DMD: variants seen among roughly 807,000 people sequenced by gnomAD.
DMD encodes the protein mutant dystrophin.
DMD carries 63 observed loss-of-function variants against 330.1 expected under a neutral mutation model. The ratio of observed to expected loss-of-function variants is 0.19; its 90% CI spans 0.16 to 0.24. The LOEUF is 0.24. Ranked by LOEUF, DMD falls within the 10% of genes least tolerant of loss-of-function variation. The pLI, the probability that DMD is intolerant of heterozygous loss-of-function variation, is 1.00. For synonymous variants in DMD, 1,223 were observed against 959.8 expected (o/e 1.27, Z -5.07); for missense variants, 3,344 against 2,684.1 (o/e 1.25, Z -5.43).
chrX:33,330,380 C>G (rs774020328), intron 1 of DMD, among the ~76,000 whole-genome samples: 2 of 111,757 alleles, frequency 1.8e-5, no homozygotes, highest in African/African-American at 3.2e-5. Flanking sequence ...TCTATTCTAT[C>G]TGAGATGTTA....
intron 60 of DMD, among the ~76,000 whole-genome samples, chrX:31,388,003 GTT>G (rs1391433449): frequency 1.0e-5 from 1 of 98,374 alleles, no homozygotes; most frequent in African/African-American, 3.7e-5. Context: ...TTGTTTTTCG[GTT>G]TTTTTTTTTT....
At chrX:31,684,722 A>C (rs997405074) in intron 52 of DMD, among the ~76,000 whole-genome samples, 4 of 112,376 alleles carry the variant, frequency 3.6e-5, no homozygotes, top group Admixed American at 2.8e-4. Context: ...AGAGGAATTA[A>C]ACGGAACAAA....
intron 44 of DMD, among the ~76,000 whole-genome samples, chrX:32,056,534 C>G (rs770016818): frequency 9.1e-6 from 1 of 109,417 alleles, no homozygotes; most frequent in African/African-American, 3.3e-5. Flanking sequence ...AAAAAATGAA[C>G]AAATTCCTTG....
rs752961297 is a variant in DMD at position 31,747,628 on chromosome X, C to G, written c.7543-17880G>C. Among the ~76,000 whole-genome samples, 8 of 111,413 alleles carry G rather than the reference C, an allele frequency of 7.2e-5. No homozygotes were observed. In the South Asian group the frequency reaches 1.1e-3, roughly 16 times the overall value. ...TTTCTGTGGCATAGTTCCAAGCAAACACATGGCACAAATGAAGCCGATTCT... is the reference window on the plus strand; with the variant it reads ...TTTCTGTGGCATAGTTCCAAGCAAAGACATGGCACAAATGAAGCCGATTCT... On this transcript the variant is annotated intron_variant, in intron 51 of 78. Transcript: ENST00000357033.
chrX:33,189,748 T>A (rs2050440453), intron 1 of DMD, among the ~76,000 whole-genome samples: 1 of 111,212 alleles, frequency 9.0e-6, no homozygotes, highest in African/African-American at 3.3e-5. Context: ...CTTACATACA[T>A]CACGGAGTTG....
At chrX:32,326,686 T>C (rs2148693685) in intron 41 of DMD, among the ~76,000 whole-genome samples, 1 of 111,165 alleles carries the variant, frequency 9.0e-6, no homozygotes, top group East Asian at 2.9e-4. Context: ...AGGCAGATCA[T>C]TTGAGGTCAG....
chrX:33,335,176 C>A (rs965576181), intron 1 of DMD, among the ~76,000 whole-genome samples: 2 of 110,063 alleles, frequency 1.8e-5, no homozygotes, highest in African/African-American at 6.6e-5. Flanking sequence ...ACTGAACATA[C>A]CCCCAAATGT....
chrX:32,719,356 C>G (rs1013917915), intron 7 of DMD, among the ~76,000 whole-genome samples: 5 of 111,861 alleles, frequency 4.5e-5, no homozygotes, highest in African/African-American at 1.6e-4. Context: ...ACTGAGCTTT[C>G]ATATTCCTTT....
chrX:32,632,051 G>A (rs776044604), intron 11 of DMD, among the ~76,000 whole-genome samples: 10 of 111,750 alleles, frequency 8.9e-5, no homozygotes, highest in Admixed American at 8.5e-4. Context: ...CTACCTATGA[G>A]CCCGTAAAAT....
intron 45 of DMD, among the ~76,000 whole-genome samples, chrX:31,951,151 A>ATATGTATG (rs1557025548): frequency 2.3e-4 from 18 of 79,996 alleles, no homozygotes; most frequent in African/African-American, 9.1e-4. Context: ...GTGTATATAT[A>ATATGTATG]TATATATGTA....
chrX:32,809,919 CAAAAAAAAAAAAA>C (rs55898363), intron 6 of DMD, among the ~76,000 whole-genome samples: 76 of 28,661 alleles, frequency 2.7e-3, no homozygotes, highest in African/African-American at 8.7e-3. Flanking sequence ...TTGTTTCTAC[CAAAAAAAAAAAAA>C]AAAAAAAAAA....
Position 32,042,004 on chromosome X carries a change from C to CCT in DMD, c.6439-73492_6439-73491dup, listed in dbSNP as rs745438310. 2.6e-3 allele frequency among the ~76,000 whole-genome samples: 184 copies of CCT among 70,361 alleles called. 2 individuals carry two copies. Among genetic ancestry groups the CCT allele is most frequent in the African/African-American group, 8.3e-3 (158 of 19,065 alleles). The allele number at this position is 70,361 out of a possible 115,157, so 61.1% of individuals were successfully genotyped here. On this transcript the variant is annotated intron_variant, in intron 44 of 78. Coordinates refer to ENST00000357033, the MANE Select transcript of DMD (RefSeq NM_004006.3). ...GCTTCCCTCCCTCTCTCCCTTCCTCCCTCTCTCTCTCTCTCTCTGTTCATA... is the reference window on the plus strand; with the variant it reads ...GCTTCCCTCCCTCTCTCCCTTCCTCCCTCTCTCTCTCTCTCTCTCTGTTCATA...
chrX:32,134,347 C>G (rs905355181), intron 44 of DMD, among the ~76,000 whole-genome samples: 4 of 111,423 alleles, frequency 3.6e-5, no homozygotes, highest in Admixed American at 2.9e-4. Flanking sequence ...GAACTTTCAA[C>G]TGCCCAGTCA....
intron 2 of DMD, among the ~76,000 whole-genome samples, chrX:32,865,240 C>T (rs1390638957): frequency 9.0e-6 from 1 of 111,106 alleles, no homozygotes; most frequent in Non-Finnish European, 1.9e-5. Context: ...ACTGTTTTCA[C>T]AGCTTTTGTA....
intron 19 of DMD, 75 bp from the exon 20 acceptor site, chrX:32,491,593 C>T: frequency 2.0e-6 from 2 of 1,006,359 alleles, no homozygotes; most frequent in South Asian, 4.2e-5. Flanking sequence ...GCCAACACAT[C>T]CTAATTATAA....
intron 37 of DMD, among the ~76,000 whole-genome samples, chrX:32,351,606 G>C (rs905215492): frequency 5.5e-5 from 6 of 109,007 alleles, no homozygotes; most frequent in Non-Finnish European, 1.2e-4. Context: ...TCAACCTACA[G>C]TCATTTCTGG....
intron 55 of DMD, among the ~76,000 whole-genome samples, chrX:31,517,051 T>C (rs2072282236): frequency 9.0e-6 from 1 of 111,686 alleles, no homozygotes; most frequent in African/African-American, 3.3e-5. Flanking sequence ...GGAAGTAAGA[T>C]GAGAGGTATC....
At chrX:31,779,307 G>A (rs767323355) in intron 50 of DMD, among the ~76,000 whole-genome samples, 19 of 111,429 alleles carry the variant, frequency 1.7e-4, no homozygotes, top group Non-Finnish European at 2.8e-4. Flanking sequence ...TCCAGCTGGC[G>A]GAAATCCTTT....
chrX:32,839,298 A>G (rs1412374566), intron 4 of DMD, among the ~76,000 whole-genome samples: 2 of 111,456 alleles, frequency 1.8e-5, no homozygotes, highest in African/African-American at 6.5e-5. Flanking sequence ...TCCTATAGAC[A>G]ATTCCAAGGC....
Sources: allele counts gnomAD v4.1 joint callset (sites outside exome capture counted in the v4.1 genomes callset), GRCh38; gene constraint gnomAD v4.1.1; transcripts MANE v1.5; gene names NCBI Gene and HGNC (gene_info 2026-07-23, HGNC 2026-07-21).